Variants in OSBPL10 observed in about 807,000 individuals in gnomAD.
The protein encoded by OSBPL10 is oxysterol-binding protein-related protein 10.
In OSBPL10, 49 loss-of-function variants were observed where a neutral mutation model predicts 81.7. The ratio of observed to expected loss-of-function variants is 0.60; its 90% CI spans 0.48 to 0.76. The LOEUF (loss-of-function observed/expected upper bound fraction) is 0.76. Ranked by LOEUF, OSBPL10 falls within the 30% of genes least tolerant of loss-of-function variation. The probability of loss-of-function intolerance (pLI) is 0.00; values close to 1 mark genes in which losing one functional copy is unlikely to be tolerated. For missense variants in OSBPL10, 923 were observed against 987.8 expected, an observed-to-expected ratio of 0.93 and a Z score of 0.88; for synonymous variants, 419 against 383.6, an observed-to-expected ratio of 1.09 and a Z score of -1.08.
chr3:31,696,259 T>C (rs1337344277), intron 7 of OSBPL10, among the ~76,000 whole-genome samples: 1 of 152,222 alleles, frequency 6.6e-6, no homozygotes, highest in African/African-American at 2.4e-5. Flanking sequence ...TGCACTCATC[T>C]GCTTCCTCTC....
chr3:31,726,832 T>G (rs922989560), intron 6 of OSBPL10, among the ~76,000 whole-genome samples: 1 of 102,636 alleles, frequency 9.7e-6, no homozygotes, highest in Non-Finnish European at 1.7e-5. Context: ...GTGCAAAAAT[T>G]TATTATTATT....
At chr3:31,755,084 G>A (rs1697846705) in intron 4 of OSBPL10, among the ~76,000 whole-genome samples, 1 of 152,100 alleles carries the variant, frequency 6.6e-6, no homozygotes, top group South Asian at 2.1e-4. Flanking sequence ...TGCCTCTGGA[G>A]CCTCTACTGG....
At chr3:31,768,423 A>G (rs1018539650) in intron 4 of OSBPL10, among the ~76,000 whole-genome samples, 2 of 152,256 alleles carry the variant, frequency 1.3e-5, no homozygotes, top group African/African-American at 4.8e-5. Flanking sequence ...GAAAATAATT[A>G]GAAATTGTCT....
chr3:31,872,369 T>C (rs998613991), intron 3 of OSBPL10, among the ~76,000 whole-genome samples: 3 of 152,108 alleles, frequency 2.0e-5, no homozygotes, highest in African/African-American at 7.2e-5. Context: ...TTGGGGCTTC[T>C]TTGTGTACAA....
intron 7 of OSBPL10, among the ~76,000 whole-genome samples, chr3:31,694,213 A>C (rs886076123): frequency 9.2e-5 from 14 of 152,078 alleles, no homozygotes; most frequent in African/African-American, 3.4e-4. Context: ...TCTACTAAAA[A>C]TACAAAAATT....
intron 7 of OSBPL10, among the ~76,000 whole-genome samples, chr3:31,694,133 G>A (rs1374271364): frequency 2.0e-5 from 3 of 152,112 alleles, no homozygotes; most frequent in African/African-American, 4.8e-5. Flanking sequence ...CACTTTGGGA[G>A]GCCAAGGCAG....
chr3:31,871,112 A>C (rs1248261898), intron 3 of OSBPL10, among the ~76,000 whole-genome samples: 1 of 151,534 alleles, frequency 6.6e-6, no homozygotes, highest in East Asian at 1.9e-4. Flanking sequence ...AGCAGTGGCA[A>C]CCCGTTCCCG....
Position 31,668,729 on chromosome 3 carries a change from C to T in OSBPL10, c.2009G>A (p.Gly670Glu). The change falls in exon 10 of 12, where the codon GGA becomes GAA. Residue 670 changes from glycine to glutamate, a missense_variant. This residue lies in a region of OSBPL10 where 387 missense variants were observed against 436.3 expected (regional missense o/e 0.89). Coordinates refer to ENST00000396556, the MANE Select transcript of OSBPL10 (RefSeq NM_017784.5). ...GGTTGTGTCGATGACTTTGGTTTCT[C>T]CATTGTTGTAGGTGAACTCTAAAGT... ...NGTLEFTYNN[G>E]ETKVIDTTTL... 1 of 1,614,118 alleles carries T rather than the reference C, an allele frequency of 6.2e-7. No homozygotes were observed.
chr3:31,798,483 A>G (rs111834792), intron 4 of OSBPL10, among the ~76,000 whole-genome samples: 3 of 152,264 alleles, frequency 2.0e-5, no homozygotes, highest in African/African-American at 7.2e-5. Context: ...TTAATATGAA[A>G]AAATACATAA....
At chr3:31,844,673 A>G (rs1380186533) in intron 3 of OSBPL10, among the ~76,000 whole-genome samples, 1 of 152,248 alleles carries the variant, frequency 6.6e-6, no homozygotes, top group Non-Finnish European at 1.5e-5. Flanking sequence ...GCAAATGGGC[A>G]CAGGGTTTTA....
intron 7 of OSBPL10, among the ~76,000 whole-genome samples, chr3:31,691,075 C>T (rs752993713): frequency 3.2e-4 from 48 of 152,180 alleles, no homozygotes; most frequent in Non-Finnish European, 6.8e-4. Context: ...AGACTGATGG[C>T]ATCCAAATGA....
intron 3 of OSBPL10, among the ~76,000 whole-genome samples, chr3:31,837,376 G>T (rs13078435): frequency 3.0e-3 from 69 of 22,906 alleles, no homozygotes; most frequent in South Asian, 0.01. Flanking sequence ...TATATATATA[G>T]TAAGTAACAT....
intron 1 of OSBPL10, among the ~76,000 whole-genome samples, chr3:31,913,249 T>A (rs115646766): frequency 0.014 from 2,184 of 151,804 alleles, 16 homozygotes; most frequent in Non-Finnish European, 0.024. Context: ...TATTTTGTTT[T>A]TTGTTTTTTT....
At chr3:31,817,309 A>T (rs1034648675) in intron 4 of OSBPL10, among the ~76,000 whole-genome samples, 2 of 152,282 alleles carry the variant, frequency 1.3e-5, no homozygotes, top group African/African-American at 4.8e-5. Flanking sequence ...CTTGGCCCCA[A>T]ACCCTGCTCC....
intron 1 of OSBPL10, among the ~76,000 whole-genome samples, chr3:32,065,963 GA>G (rs1349101876): frequency 5.9e-5 from 3 of 50,826 alleles, no homozygotes; most frequent in African/African-American, 1.3e-4. Context: ...AAGAAAGAAA[GA>G]AAGAAAGAAA....
rs148750982 is a variant in OSBPL10, at chr3:31,966,925, T to TATC, written c.281+13971_281+13973dup. ...TTACTAAAATGCCTAAAATTAAAAA[T>TATC]ATCATAATACCAAGCGCTGACAAGG... On this transcript the variant is annotated intron_variant, in intron 1 of 11. Coordinates refer to ENST00000396556, the MANE Select transcript of OSBPL10 (RefSeq NM_017784.5). Among the ~76,000 whole-genome samples, 537 of 151,958 alleles carry TATC rather than the reference T, an allele frequency of 3.5e-3. 35 individuals carry two copies. In the East Asian group the frequency reaches 0.095, roughly 27 times the overall value.
intron 1 of OSBPL10, among the ~76,000 whole-genome samples, chr3:31,965,547 T>A (rs868169232): frequency 0.025 from 178 of 7,196 alleles, 15 homozygotes; most frequent in Non-Finnish European, 0.035. Flanking sequence ...AATTATATAT[T>A]ATATATTATA....
chr3:31,989,474 A>G, intron 2 of OSBPL10: 1 of 1,614,236 alleles, frequency 6.2e-7, no homozygotes, highest in South Asian at 1.1e-5. Context: ...ACACAAATCA[A>G]AAAGTTGACT....
In OSBPL10 at chr3:31,735,209, C is replaced by T. The variant is rs143178128; in HGVS notation, c.941-1798G>A. ...CAGCACTTTGGGATCCCGGCTGAGG[C>T]GGGTGAATCACTTGAACCCAGGAGT... On this transcript the variant is annotated intron_variant, in intron 5 of 11. Coordinates refer to ENST00000396556, the MANE Select transcript of OSBPL10 (RefSeq NM_017784.5). Among the ~76,000 whole-genome samples the T allele has an allele frequency of 2.0e-5, 3 of 152,316 alleles. No individual in the cohort carries two copies. In the East Asian group the frequency reaches 5.8e-4, roughly 29 times the overall value.
Sources: gnomAD v4.1 joint callset for allele counts (sites outside exome capture counted in the v4.1 genomes callset) on GRCh38, gnomAD v4.1.1 for gene constraint, gnomAD v4.1.1 regional missense constraint, MANE v1.5 for transcripts, NCBI Gene and HGNC (gene_info 2026-07-23, HGNC 2026-07-21) for gene names.